The following NIPBL variants were observed in gnomAD, a reference collection of about 807,000 sequenced individuals.
NIPBL encodes NIPBL cohesin loading factor, also known as nipped-B-like protein.
A neutral mutation model predicts 321.8 loss-of-function variants in NIPBL; 19 were observed. The ratio of observed to expected loss-of-function variants is 0.06; its 90% CI spans 0.04 to 0.09. The LOEUF (loss-of-function observed/expected upper bound fraction) is 0.09. Among genes scored for constraint, NIPBL ranks in the 10% least tolerant of loss-of-function variants. The pLI is 1.00. For synonymous variants in NIPBL, 1,106 were observed against 1,114.1 expected, an observed-to-expected ratio of 0.99 and a Z score of 0.14; for missense variants, 2,210 against 3,327.0, an observed-to-expected ratio of 0.66 and a Z score of 8.26.
chr5:37,058,795 GT>G, intron 43 of NIPBL, 95 bp from the exon 44 acceptor site: 1 of 1,087,114 alleles, frequency 9.2e-7, no homozygotes, highest in Non-Finnish European at 1.3e-6. Flanking sequence ...TAAAATATTA[GT>G]TTAAGGAAGC....
intron 1 of NIPBL, among the ~76,000 whole-genome samples, chr5:36,892,167 A>C (rs1746379370): frequency 6.6e-6 from 1 of 152,218 alleles, no homozygotes; most frequent in African/African-American, 2.4e-5. Flanking sequence ...ATCAGGGTTA[A>C]AAGTAGTACA....
chr5:36,934,035 T>C (rs1486313931), intron 1 of NIPBL, among the ~76,000 whole-genome samples: 1 of 152,118 alleles, frequency 6.6e-6, no homozygotes, highest in Non-Finnish European at 1.5e-5. Context: ...AAGATCATGG[T>C]ATTAAGATCA....
At chr5:37,062,201 A>C (rs1754786327) in intron 45 of NIPBL, among the ~76,000 whole-genome samples, 1 of 152,232 alleles carries the variant, frequency 6.6e-6, no homozygotes, top group Non-Finnish European at 1.5e-5. Context: ...TTGAATCCGC[A>C]GGTGCGGAAT....
chr5:36,957,542 T>TA (rs1034389504), intron 3 of NIPBL, among the ~76,000 whole-genome samples: 2 of 152,228 alleles, frequency 1.3e-5, no homozygotes, highest in Non-Finnish European at 2.9e-5. Flanking sequence ...TGGAAATTAT[T>TA]AAACTCATAG....
intron 33 of NIPBL, among the ~76,000 whole-genome samples, 156 bp downstream of exon 33, chr5:37,036,643 G>A (rs1751728811): frequency 6.7e-6 from 1 of 149,708 alleles, no homozygotes; most frequent in East Asian, 1.9e-4. Context: ...GTATCTGTTT[G>A]ATGTTGCATC....
At chr5:37,058,038 A>T (rs1443159343) in intron 43 of NIPBL, among the ~76,000 whole-genome samples, 1 of 152,170 alleles carries the variant, frequency 6.6e-6, no homozygotes, top group Non-Finnish European at 1.5e-5. Context: ...ATTATTTTAG[A>T]TGCCTCCTGA....
intron 34 of NIPBL, among the ~76,000 whole-genome samples, chr5:37,042,303 T>C (rs1003297368): frequency 2.0e-5 from 3 of 148,520 alleles, no homozygotes; most frequent in Middle Eastern, 3.5e-3. Context: ...AGCATGGTGG[T>C]GCGCACCTAT....
intron 1 of NIPBL, among the ~76,000 whole-genome samples, chr5:36,902,763 T>G (rs929461287): frequency 1.3e-5 from 2 of 152,188 alleles, no homozygotes; most frequent in African/African-American, 2.4e-5. Flanking sequence ...AGAAGTTTTT[T>G]GTTTGTTTGT....
At chr5:36,926,241 C>G (rs969577361) in intron 1 of NIPBL, among the ~76,000 whole-genome samples, 2 of 152,214 alleles carry the variant, frequency 1.3e-5, no homozygotes, top group African/African-American at 2.4e-5. Flanking sequence ...TAACAAACTA[C>G]TCCCCATACT....
chr5:36,942,044 T>G lies in NIPBL; in HGVS notation c.-79-11574T>G, dbSNP rs148243366. 1.7e-3 allele frequency among the ~76,000 whole-genome samples: 261 copies of G among 152,286 alleles called. 1 individual carries two copies. Among genetic ancestry groups the G allele is most frequent in the African/African-American group, 5.9e-3 (246 of 41,572 alleles). On this transcript the variant is annotated intron_variant, in intron 1 of 46. Transcript: ENST00000282516. ...AAGTCACTTTTCTCCATTGATAGCT[T>G]CTTTTTCTGTAAATCGAACTATTTA...
intron 42 of NIPBL, among the ~76,000 whole-genome samples, chr5:37,054,875 A>T (rs1422939964): frequency 2.6e-5 from 4 of 152,226 alleles, no homozygotes; most frequent in Admixed American, 2.6e-4. Context: ...CAGAAAGGTC[A>T]TAATGAGGAA....
chr5:36,977,615 T>A lies in NIPBL; in HGVS notation c.1495+1213T>A, dbSNP rs189065665. Among the ~76,000 whole-genome samples, 415 of 151,114 alleles carry A rather than the reference T, an allele frequency of 2.7e-3. 2 individuals carry two copies. The highest frequency in any genetic ancestry group is 0.017 in the Middle Eastern group (5 of 290). ...TTTTTTCTTTGTCTTTTTTTTTTTT[T>A]AATATAGATTCAGGGGATATATGTA... On this transcript the variant is annotated intron_variant, in intron 9 of 46. Transcript: ENST00000282516.
intron 1 of NIPBL, among the ~76,000 whole-genome samples, chr5:36,934,899 T>C (rs1369569708): frequency 6.6e-6 from 1 of 152,006 alleles, no homozygotes; most frequent in Admixed American, 6.6e-5. Context: ...AGAAAGAAGA[T>C]TGAGTCACAG....
chr5:37,024,464 G>A (rs1750032567), intron 29 of NIPBL, 121 bp from the exon 30 acceptor site: 1 of 753,096 alleles, frequency 1.3e-6, no homozygotes, highest in Admixed American at 2.8e-5. Context: ...AAGCAAATAT[G>A]TCAAGTGTGT....
Position 36,985,778 on chromosome 5 carries a change from A to G in NIPBL, c.2598A>G (p.Leu866=), listed in dbSNP as rs764136312. 4 of 1,613,842 alleles carry G rather than the reference A, an allele frequency of 2.5e-6. No individual in the cohort carries two copies. Among genetic ancestry groups the G allele is most frequent in the Non-Finnish European group, 3.4e-6 (4 of 1,179,962 alleles). The change falls in exon 10 of 47, where the codon CTA becomes CTG. Residue 866 remains leucine (L), a synonymous_variant. Coordinates refer to ENST00000282516, the MANE Select transcript of NIPBL (RefSeq NM_133433.4). ...CTGATAGTTCAAAAACTGATAAACT[A>G]GAACGAAAACACAGGCATGAATCAG... ...IKSDSSKTDK[L]ERKHRHESGD... is the part of the protein sequence containing the mutation.
At chr5:36,983,886 A>T (rs577604270) in intron 9 of NIPBL, among the ~76,000 whole-genome samples, 1 of 152,052 alleles carries the variant, frequency 6.6e-6, no homozygotes, top group South Asian at 2.1e-4. Flanking sequence ...CCAGAACATT[A>T]TAACTTTATA....
rs1279770638 is a variant in NIPBL, at chr5:36,954,656, C to A, written c.65-816C>A. Among the ~76,000 whole-genome samples, 3 of 152,174 alleles carry A rather than the reference C, an allele frequency of 2.0e-5. No individual in the cohort carries two copies. The East Asian group carries it at 5.8e-4, about 29-fold the overall frequency. ...TGCTATACCTAAATATTTTGTCTTT[C>A]CAGGAAGCCCTGTTCATTAAGTAAT... On this transcript the variant is annotated intron_variant, in intron 2 of 46. Transcript: ENST00000282516.
chr5:36,993,854 G>C (rs1051312499), intron 10 of NIPBL, among the ~76,000 whole-genome samples: 2 of 151,956 alleles, frequency 1.3e-5, no homozygotes, highest in Non-Finnish European at 1.5e-5. Context: ...AAGTACATCT[G>C]TAAGTGGACA....
chr5:37,022,511 T>C (rs1749763813), intron 29 of NIPBL, 121 bp downstream of exon 29: 1 of 884,686 alleles, frequency 1.1e-6, no homozygotes, highest in Non-Finnish European at 1.7e-6. Context: ...TATTGTCAAA[T>C]TTATGAACTA....
Sources: allele counts gnomAD v4.1 joint callset (sites outside exome capture counted in the v4.1 genomes callset), GRCh38; gene constraint gnomAD v4.1.1; transcripts MANE v1.5; gene names NCBI Gene and HGNC (gene_info 2026-07-23, HGNC 2026-07-21).